Variants in NAA11 observed in about 807,000 individuals in gnomAD.
NAA11 encodes N-alpha-acetyltransferase 11, NatA catalytic subunit.
Under a neutral mutation model 16.1 loss-of-function variants are expected in NAA11, and 15 were observed. The ratio of observed to expected loss-of-function variants is 0.93; its 90% CI spans 0.62 to 1.44. NAA11 has a LOEUF of 1.44. Ranked by LOEUF, NAA11 falls within the 40% of genes most tolerant of loss-of-function variation. The pLI, the probability that NAA11 is intolerant of heterozygous loss-of-function variation, is 0.00. For missense variants in NAA11, 298 were observed against 291.3 expected (o/e 1.02, Z -0.17); for synonymous variants, 122 against 112.4 (o/e 1.09, Z -0.54).
the NAA11 span, among the ~76,000 whole-genome samples, chr4:79,155,776 G>A: frequency 2.0e-5 from 3 of 152,204 alleles, no homozygotes; most frequent in Admixed American, 1.3e-4. Context: ...GAAGACTGAC[G>A]TCTCCTGCTC....
At chr4:79,303,079 TATATA>T (rs2110003998) in intron 1 of NAA11, among the ~76,000 whole-genome samples, 1 of 13,358 alleles carries the variant, frequency 7.5e-5, no homozygotes, top group South Asian at 3.9e-3. Flanking sequence ...AGGCCTTTTA[TATATA>T]TATATATATA....
At chr4:79,298,456 G>A (rs1426295496) in intron 1 of NAA11, among the ~76,000 whole-genome samples, 2 of 152,184 alleles carry the variant, frequency 1.3e-5, no homozygotes, top group Non-Finnish European at 2.9e-5. Flanking sequence ...TTGGGATCCT[G>A]TGGTTCCTGG....
the NAA11 span, among the ~76,000 whole-genome samples, chr4:79,162,098 A>G: frequency 6.6e-5 from 10 of 152,322 alleles, no homozygotes; most frequent in African/African-American, 2.4e-4. Context: ...TATAAGTGGA[A>G]TTATTTTCTT....
At chr4:79,240,353 A>G (rs1300493326) in intron 2 of NAA11, among the ~76,000 whole-genome samples, 2 of 152,214 alleles carry the variant, frequency 1.3e-5, no homozygotes, top group Non-Finnish European at 2.9e-5. Context: ...CAGTTGAGAG[A>G]TAATACAGAA....
intron 1 of NAA11, among the ~76,000 whole-genome samples, chr4:79,321,806 T>C (rs1724096109): frequency 6.6e-6 from 1 of 152,208 alleles, no homozygotes; most frequent in South Asian, 2.1e-4. Context: ...ACAAAGCACA[T>C]ATATTACAAC....
At chr4:79,324,366 T>A (rs1471328210) in intron 1 of NAA11, among the ~76,000 whole-genome samples, 1 of 152,200 alleles carries the variant, frequency 6.6e-6, no homozygotes, top group Admixed American at 6.5e-5. Context: ...CTCAAAAATG[T>A]CTTATACATG....
chr4:79,269,563 T>C (rs1388799450), intron 2 of NAA11, among the ~76,000 whole-genome samples: 1 of 150,588 alleles, frequency 6.6e-6, no homozygotes, highest in African/African-American at 2.4e-5. Flanking sequence ...GTTTTTTTCT[T>C]GTAAATTTGT....
At chr4:79,184,498 A>T in the NAA11 span, among the ~76,000 whole-genome samples, 1 of 152,216 alleles carries the variant, frequency 6.6e-6, no homozygotes, top group African/African-American at 2.4e-5. Context: ...AGAACTTCTG[A>T]TTCGGTTTGT....
the NAA11 span, among the ~76,000 whole-genome samples, chr4:79,177,450 A>C: frequency 1.3e-5 from 2 of 151,888 alleles, no homozygotes; most frequent in Admixed American, 6.6e-5. Context: ...AAGCTGAAGA[A>C]GGAATGTGCA....
At chr4:79,174,139 G>A in the NAA11 span, among the ~76,000 whole-genome samples, 1 of 152,154 alleles carries the variant, frequency 6.6e-6, no homozygotes, top group Non-Finnish European at 1.5e-5. Flanking sequence ...GAATAAATTT[G>A]TGGGAACCTC....
the NAA11 span, among the ~76,000 whole-genome samples, chr4:79,201,049 T>C: frequency 6.6e-6 from 1 of 151,726 alleles, no homozygotes; most frequent in African/African-American, 2.4e-5. Context: ...ATTGTGTTTT[T>C]TTCTTAAGAT....
At chr4:79,314,081 G>C (rs2110012750), downstream of NAA11, among the ~76,000 whole-genome samples, 2 of 152,236 alleles carry the variant, frequency 1.3e-5, 1 homozygote, top group South Asian at 4.1e-4. Context: ...GACCAAAAAA[G>C]CCCTAAAAAA....
At chr4:79,193,443 T>C in the NAA11 span, among the ~76,000 whole-genome samples, 21 of 152,228 alleles carry the variant, frequency 1.4e-4, no homozygotes, top group Non-Finnish European at 1.3e-4. Flanking sequence ...TTTCTACATA[T>C]GGCTAGCCAG....
At chr4:79,192,961 T>C in the NAA11 span, among the ~76,000 whole-genome samples, 7 of 152,320 alleles carry the variant, frequency 4.6e-5, no homozygotes, top group South Asian at 4.1e-4. Flanking sequence ...TTTTGATTTG[T>C]ATTTCTCTGA....
the NAA11 span, among the ~76,000 whole-genome samples, chr4:79,181,463 T>G: frequency 1.3e-5 from 2 of 152,164 alleles, no homozygotes; most frequent in Non-Finnish European, 2.9e-5. Context: ...TACAACCAGC[T>G]CTGAGATTTT....
intron 1 of NAA11, among the ~76,000 whole-genome samples, chr4:79,311,322 T>C (rs1348572007): frequency 6.6e-6 from 1 of 152,156 alleles, no homozygotes; most frequent in Non-Finnish European, 1.5e-5. Context: ...AAGTCAGTAA[T>C]AAAAAATACT....
At chr4:79,247,223 G>A (rs1721860854) in intron 2 of NAA11, among the ~76,000 whole-genome samples, 1 of 152,192 alleles carries the variant, frequency 6.6e-6, no homozygotes, top group African/African-American at 2.4e-5. Flanking sequence ...CCAGGGGAGA[G>A]TGGTGTATTT....
At chr4:79,235,637 A>G (rs1428054298) in intron 2 of NAA11, among the ~76,000 whole-genome samples, 1 of 152,150 alleles carries the variant, frequency 6.6e-6, no homozygotes, top group Non-Finnish European at 1.5e-5. Context: ...CAGGATAGTT[A>G]CTGACAATTT....
chr4:79,176,276 T>C, the NAA11 span, among the ~76,000 whole-genome samples: 1 of 152,186 alleles, frequency 6.6e-6, no homozygotes, highest in Non-Finnish European at 1.5e-5. Flanking sequence ...AGATCTAAAA[T>C]AGAGGTTAAT....
Sources: allele counts gnomAD v4.1 joint callset (sites outside exome capture counted in the v4.1 genomes callset), GRCh38; gene constraint gnomAD v4.1.1; transcripts MANE v1.5; gene names NCBI Gene and HGNC (gene_info 2026-07-23, HGNC 2026-07-21).